ZBTB49: variants seen among roughly 807,000 people sequenced by gnomAD.
The protein encoded by ZBTB49 is zinc finger and BTB domain-containing protein 49.
In ZBTB49, 43 loss-of-function variants were observed where a neutral mutation model predicts 57.5. The observed-to-expected ratio is 0.75, with a 90% CI of 0.59 to 0.97. The LOEUF (loss-of-function observed/expected upper bound fraction) is 0.97, where lower values mean the gene tolerates loss of function less well. Ranked by LOEUF, ZBTB49 falls within the 50% of genes least tolerant of loss-of-function variation. The pLI, the probability that ZBTB49 is intolerant of heterozygous loss-of-function variation, is 0.00. For missense variants in ZBTB49, 938 were observed against 947.7 expected (o/e 0.99, Z 0.13); for synonymous variants, 369 against 362.1 (o/e 1.02, Z -0.22).
chr4:4,294,080 A>G (rs1272931607), intron 1 of ZBTB49, among the ~76,000 whole-genome samples: 2 of 152,242 alleles, frequency 1.3e-5, no homozygotes, highest in African/African-American at 4.8e-5. Context: ...TAATAAGTGT[A>G]AAGGGCTTAG....
At chr4:4,318,600 TC>T (rs1443222119) in intron 7 of ZBTB49, among the ~76,000 whole-genome samples, 1 of 152,026 alleles carries the variant, frequency 6.6e-6, no homozygotes, top group Non-Finnish European at 1.5e-5. Context: ...AAAGTGAGAC[TC>T]CATCTCAAAA....
At chr4:4,306,536 A>G (rs1720743655) in intron 4 of ZBTB49, among the ~76,000 whole-genome samples, 1 of 152,204 alleles carries the variant, frequency 6.6e-6, no homozygotes, top group South Asian at 2.1e-4. Flanking sequence ...GAAGACAACT[A>G]GGTCTCCTCA....
intron 7 of ZBTB49, among the ~76,000 whole-genome samples, chr4:4,320,253 C>T (rs1261313821): frequency 2.0e-5 from 3 of 152,212 alleles, no homozygotes; most frequent in African/African-American, 7.2e-5. Flanking sequence ...CACTGAGATA[C>T]TCAAAACCCA....
chr4:4,311,546 A>G (rs746997162), intron 4 of ZBTB49, among the ~76,000 whole-genome samples: 1 of 152,238 alleles, frequency 6.6e-6, no homozygotes, highest in African/African-American at 2.4e-5. Context: ...AGGAGTTTAG[A>G]TTCACAGCAA....
chr4:4,314,148 G>A (rs1015038653), intron 5 of ZBTB49, among the ~76,000 whole-genome samples: 2 of 152,182 alleles, frequency 1.3e-5, no homozygotes, highest in Admixed American at 6.5e-5. Context: ...CAAAAGCTGC[G>A]GCGGGCAGCG....
In ZBTB49 at chr4:4,302,859, T is replaced by G; in HGVS notation, c.1023T>G (p.Ser341Arg). Residue 341 changes from serine to arginine, a missense_variant, in exon 3 of 8, where the codon AGT becomes AGG. Physicochemically the swap from Ser to Arg is moderately radical, Grantham distance 110. Coordinates refer to ENST00000337872, the MANE Select transcript of ZBTB49 (RefSeq NM_145291.4). ...DGLTKRLESA[S>R]KNTLEKASSQ... is the part of the protein sequence containing the mutation. ...TGACAAAGAGGTTGGAATCTGCTAGTAAAAATACCCTAGAGAAAGCTAGCA... is the reference window on the plus strand; with the variant it reads ...TGACAAAGAGGTTGGAATCTGCTAGGAAAAATACCCTAGAGAAAGCTAGCA... The G allele has an allele frequency of 6.2e-7, 1 of 1,613,652 alleles. No individual in the cohort carries two copies. The highest frequency in any genetic ancestry group is 8.5e-7 in the Non-Finnish European group (1 of 1,179,700).
At chr4:4,320,562 G>C in intron 7 of ZBTB49, 78 bp from the exon 8 acceptor site, 1 of 1,560,856 alleles carries the variant, frequency 6.4e-7, no homozygotes, top group East Asian at 2.3e-5. Context: ...ATTGTTTGAG[G>C]CTAGGAGTTC....
chr4:4,306,878 G>A (rs548809945), intron 4 of ZBTB49, among the ~76,000 whole-genome samples: 6 of 152,362 alleles, frequency 3.9e-5, no homozygotes, highest in South Asian at 4.1e-4. Context: ...GCGTGAGGGC[G>A]CAGCTCTTCA....
chr4:4,316,757 C>G (rs896001018), intron 7 of ZBTB49, among the ~76,000 whole-genome samples: 1 of 152,176 alleles, frequency 6.6e-6, no homozygotes, highest in Non-Finnish European at 1.5e-5. Context: ...CTGCATATAA[C>G]CAGAGGAAAC....
At chr4:4,319,872 A>G (rs542776797) in intron 7 of ZBTB49, among the ~76,000 whole-genome samples, 2 of 151,570 alleles carry the variant, frequency 1.3e-5, no homozygotes, top group African/African-American at 2.4e-5. Flanking sequence ...AGCCTGGCCA[A>G]CATGGTGAAA....
chr4:4,300,144 G>A, intron 2 of ZBTB49, 47 bp downstream of exon 2: 5 of 1,599,210 alleles, frequency 3.1e-6, no homozygotes, highest in Non-Finnish European at 4.3e-6. Context: ...TAAGGGTAAA[G>A]CTCTTTTAGT....
chr4:4,320,020 T>G (rs1206538922), intron 7 of ZBTB49, among the ~76,000 whole-genome samples: 1 of 152,156 alleles, frequency 6.6e-6, no homozygotes, highest in African/African-American at 2.4e-5. Flanking sequence ...GCCGAGACAA[T>G]GCCACTTCAC....
In ZBTB49 at chr4:4,308,028, G is replaced by A. The variant is rs1720816072; in HGVS notation, c.1302+1844G>A. Among the ~76,000 whole-genome samples the A allele has an allele frequency of 3.9e-5, 6 of 152,176 alleles. No individual in the cohort carries two copies. In the South Asian group the frequency reaches 1.2e-3, roughly 31 times the overall value. Reference sequence around the variant, plus strand: ...GCACGGATCCTTGGTGCCCACATCAGAGATTCTGATTCTGTGATTTGGAGT... The same window carrying A: ...GCACGGATCCTTGGTGCCCACATCAAAGATTCTGATTCTGTGATTTGGAGT... On this transcript the variant is annotated intron_variant, in intron 4 of 7. Coordinates refer to ENST00000337872, the MANE Select transcript of ZBTB49 (RefSeq NM_145291.4).
Position 4,315,538 on chromosome 4 carries a change from T to C in ZBTB49, c.1377-98T>C. On this transcript the variant is annotated intron_variant, in intron 5 of 7. Coordinates refer to ENST00000337872, the MANE Select transcript of ZBTB49 (RefSeq NM_145291.4). ...CAGTTCACGTTCCTTTCTGCAGCAG[T>C]GTCAGGAGCAGGTATCTCCTCCCTC... The C allele has an allele frequency of 4.4e-6, 5 of 1,142,730 alleles. No individual in the cohort carries two copies. The South Asian group carries it at 7.2e-5, about 16-fold the overall frequency. 70.8% of individuals were successfully genotyped at this position (1,142,730 alleles called of 1,614,324 possible).
In ZBTB49 at chr4:4,302,204, T is replaced by C; in HGVS notation, c.368T>C (p.Val123Ala). ...ACATTTTTAAAATCAGCCACTGTAG[T>C]ACAGCCACCTGGCATGCCTTGTAAT... ...CHTFLKSATV[V>A]QPPGMPCNST... Residue 123 changes from valine (V) to alanine (A), a missense_variant, in exon 3 of 8, where the codon GTA (valine) becomes GCA (alanine). By Grantham distance (64) the Val-to-Ala change is moderately conservative (BLOSUM62 0). Around this residue, in one of 3 missense-constraint regions of ZBTB49, gnomAD observed 835 missense variants for 819.1 expected, o/e 1.02. Transcript: ENST00000337872. The C allele has an allele frequency of 6.2e-7, 1 of 1,614,274 alleles. No homozygotes were observed. The highest frequency in any genetic ancestry group is 1.1e-5 in the South Asian group (1 of 91,090).
intron 5 of ZBTB49, among the ~76,000 whole-genome samples, chr4:4,314,761 A>C (rs965028702): frequency 1.3e-5 from 2 of 152,232 alleles, no homozygotes. Context: ...AGGAAAGAAC[A>C]TAGATTTCCA....
chr4:4,299,489 T>C (rs998754829), intron 1 of ZBTB49, among the ~76,000 whole-genome samples: 21 of 152,242 alleles, frequency 1.4e-4, no homozygotes, highest in Non-Finnish European at 2.4e-4. Flanking sequence ...TTTCACCTTA[T>C]ACATTTTTAT....
intron 1 of ZBTB49, among the ~76,000 whole-genome samples, chr4:4,295,890 T>G (rs562388017): frequency 1.3e-5 from 2 of 152,300 alleles, no homozygotes; most frequent in Admixed American, 6.5e-5. Flanking sequence ...AATTTAGAGA[T>G]TCTACATTGA....
At position 4,316,437 on chromosome 4, in the gene ZBTB49, G is replaced by A. The variant is rs186927003; in HGVS notation, c.1621+467G>A. On this transcript the variant is annotated intron_variant, in intron 7 of 7. Transcript: ENST00000337872. ...TGAGAGCGGAAAGCTGGCAGCCCTCGGTTTCAGGGCACCTGACTGCTCCGA... is the reference window on the plus strand; with the variant it reads ...TGAGAGCGGAAAGCTGGCAGCCCTCAGTTTCAGGGCACCTGACTGCTCCGA... Among the ~76,000 whole-genome samples, 3 of 152,302 alleles carry A rather than the reference G, an allele frequency of 2.0e-5. No individual in the cohort carries two copies. The East Asian group carries it at 5.8e-4, about 29-fold the overall frequency.
Sources: allele counts gnomAD v4.1 joint callset (sites outside exome capture counted in the v4.1 genomes callset), GRCh38; gene constraint gnomAD v4.1.1; regional missense constraint gnomAD v4.1.1; transcripts MANE v1.5; gene names NCBI Gene and HGNC (gene_info 2026-07-23, HGNC 2026-07-21).